PROCR: variants seen among roughly 807,000 people sequenced by gnomAD.
PROCR encodes endothelial protein C receptor.
A neutral mutation model predicts 24.2 loss-of-function variants in PROCR; 22 were observed. That is an observed-to-expected ratio of 0.91 (90% CI 0.65 to 1.30). The LOEUF (loss-of-function observed/expected upper bound fraction) is 1.30, where lower values mean the gene tolerates loss of function less well. Ranked by LOEUF, PROCR falls within the 50% of genes most tolerant of loss-of-function variation. The pLI is 0.00. For missense variants in PROCR, 288 were observed against 307.7 expected (o/e 0.94, Z 0.48); for synonymous variants, 137 against 139.2 (o/e 0.98, Z 0.11).
At chr20:35,204,277 T>C (rs1340301380) in intron 1 of PROCR, among the ~76,000 whole-genome samples, 1 of 152,128 alleles carries the variant, frequency 6.6e-6, no homozygotes, top group Non-Finnish European at 1.5e-5. Flanking sequence ...AAAATTTAAT[T>C]CATAGTTTAA....
At chr20:35,175,366 C>G in intron 2 of PROCR, among the ~76,000 whole-genome samples, 1 of 144,108 alleles carries the variant, frequency 6.9e-6, no homozygotes. Flanking sequence ...AAGCTGATGA[C>G]TTCGCTCTTA....
At chr20:35,204,929 A>G (rs1263553747) in intron 1 of PROCR, among the ~76,000 whole-genome samples, 3 of 152,146 alleles carry the variant, frequency 2.0e-5, no homozygotes, top group Non-Finnish European at 4.4e-5. Context: ...TTAAAAAATA[A>G]TACTTCACTA....
intron 1 of PROCR, among the ~76,000 whole-genome samples, chr20:35,203,644 G>C (rs1213793745): frequency 6.6e-6 from 1 of 151,580 alleles, no homozygotes; most frequent in Non-Finnish European, 1.5e-5. Context: ...AGAAAAAAAA[G>C]AGAACTCTCA....
At chr20:35,171,831 T>C (rs535697806), upstream of PROCR, among the ~76,000 whole-genome samples, 1 of 151,702 alleles carries the variant, frequency 6.6e-6, no homozygotes, top group South Asian at 2.1e-4. Flanking sequence ...CAAGCCCTTC[T>C]CCCCCTTTTC....
At chr20:35,172,308 C>G in intron 1 of PROCR, 84 bp downstream of exon 1, 1 of 1,476,904 alleles carries the variant, frequency 6.8e-7, no homozygotes, top group Non-Finnish European at 9.5e-7. Context: ...CACAGGAGAG[C>G]TTATCTCACA....
chr20:35,209,973 T>C (rs1259947867), intron 1 of PROCR, among the ~76,000 whole-genome samples: 1 of 152,202 alleles, frequency 6.6e-6, no homozygotes, highest in Non-Finnish European at 1.5e-5. Flanking sequence ...AAGCCTGTAA[T>C]CCAAATGTTT....
chr20:35,213,546 C>A (rs891045102), intron 1 of PROCR, among the ~76,000 whole-genome samples: 1 of 151,910 alleles, frequency 6.6e-6, no homozygotes, highest in African/African-American at 2.4e-5. Flanking sequence ...TTTTTGAAAC[C>A]TAAGTGAACT....
intron 1 of PROCR, among the ~76,000 whole-genome samples, chr20:35,196,114 A>G (rs991787499): frequency 7.1e-6 from 1 of 140,130 alleles, no homozygotes; most frequent in African/African-American, 2.7e-5. Flanking sequence ...CCCAGGAGGC[A>G]GAGGTTGCAG....
At chr20:35,193,410 G>A (rs1208966474) in intron 1 of PROCR, among the ~76,000 whole-genome samples, 7 of 152,220 alleles carry the variant, frequency 4.6e-5, no homozygotes, top group African/African-American at 1.2e-4. Context: ...TCTTGACCTC[G>A]TGATCTGCCT....
rs759411004 is a variant in PROCR at position 35,176,467 on chromosome 20, G to A, written c.601+21G>A. ...GAAAGGTATGATGGGACGGGGCCCA[G>A]GCCTGCAAGCTGGGGAGAGGGCGGG... On this transcript the variant is annotated intron_variant, in intron 3 of 3. Coordinates refer to ENST00000216968, the MANE Select transcript of PROCR (RefSeq NM_006404.5). 6 of 1,611,840 alleles carry A rather than the reference G, an allele frequency of 3.7e-6. No individual in the cohort carries two copies. In the East Asian group the frequency reaches 8.9e-5, roughly 24 times the overall value.
At chr20:35,196,141 C>T (rs1408776038) in intron 1 of PROCR, among the ~76,000 whole-genome samples, 1 of 132,356 alleles carries the variant, frequency 7.6e-6, no homozygotes, top group Non-Finnish European at 1.5e-5. Context: ...AGGATTGGGC[C>T]ACTGCACTCC....
At chr20:35,213,388 G>A (rs550185195) in intron 1 of PROCR, among the ~76,000 whole-genome samples, 2 of 151,596 alleles carry the variant, frequency 1.3e-5, no homozygotes, top group South Asian at 2.1e-4. Flanking sequence ...TTAGTCCTTC[G>A]CCATTATTGA....
At chr20:35,213,206 G>A (rs1335952634) in intron 1 of PROCR, among the ~76,000 whole-genome samples, 1 of 152,128 alleles carries the variant, frequency 6.6e-6, no homozygotes, top group Non-Finnish European at 1.5e-5. Context: ...GGTGGCATGT[G>A]CCTGTAGTCC....
Position 35,176,023 on chromosome 20 carries a change from T to C in PROCR, c.323-145T>C, listed in dbSNP as rs1460106272. 4.3e-6 allele frequency: 4 copies of C among 930,014 alleles called. No individual in the cohort carries two copies. In the East Asian group the frequency reaches 9.7e-5, roughly 23 times the overall value. 57.6% of individuals were successfully genotyped at this position (930,014 alleles called of 1,614,324 possible). On this transcript the variant is annotated intron_variant, in intron 2 of 3. Transcript: ENST00000216968. ...AACCCCTCCTCACAGCCCCAGGCCC[T>C]TCTCCCCATAGTTCCCTGACCTAGA... is the stretch of plus-strand genomic sequence containing the variant.
intron 1 of PROCR, among the ~76,000 whole-genome samples, chr20:35,204,034 T>C (rs2060328605): frequency 6.6e-6 from 1 of 151,960 alleles, no homozygotes; most frequent in African/African-American, 2.4e-5. Context: ...TTTGACAGAT[T>C]TACCAAGGAA....
At chr20:35,184,573 G>A (rs975575766) in intron 1 of PROCR, among the ~76,000 whole-genome samples, 2 of 152,108 alleles carry the variant, frequency 1.3e-5, no homozygotes, top group Admixed American at 6.6e-5. Context: ...GGTGGCGGGC[G>A]CCTGTAGTCC....
At chr20:35,185,544 A>G (rs2086117733) in intron 1 of PROCR, among the ~76,000 whole-genome samples, 1 of 152,266 alleles carries the variant, frequency 6.6e-6, no homozygotes, top group Non-Finnish European at 1.5e-5. Flanking sequence ...ATGATGGAGT[A>G]CTACTCAGCC....
chr20:35,204,678 A>T (rs1042911989), intron 1 of PROCR, among the ~76,000 whole-genome samples: 1 of 151,830 alleles, frequency 6.6e-6, no homozygotes, highest in African/African-American at 2.4e-5. Context: ...CCTGGCCCCC[A>T]AATGGTTTCA....
downstream of PROCR, among the ~76,000 whole-genome samples, chr20:35,179,767 T>G (rs2086060593): frequency 6.6e-6 from 1 of 152,224 alleles, no homozygotes. Context: ...TCAAATCATG[T>G]AAGTGGAGAG....
Sources: gnomAD v4.1 joint callset for allele counts (sites outside exome capture counted in the v4.1 genomes callset) on GRCh38, gnomAD v4.1.1 for gene constraint, MANE v1.5 for transcripts, NCBI Gene and HGNC (gene_info 2026-07-23, HGNC 2026-07-21) for gene names.